Variants in MYO3A observed in about 807,000 individuals in gnomAD.
The protein encoded by MYO3A is myosin-IIIa.
In MYO3A, 180 loss-of-function variants were observed where a neutral mutation model predicts 192.7. The ratio of observed to expected loss-of-function variants is 0.93; its 90% CI spans 0.83 to 1.06. The LOEUF is 1.06. MYO3A is among the 50% of genes least tolerant of loss of function. The pLI is 0.00. For synonymous variants in MYO3A, 628 were observed against 645.3 expected, an observed-to-expected ratio of 0.97 and a Z score of 0.41; for missense variants, 1,896 against 1,905.0, an observed-to-expected ratio of 1.00 and a Z score of 0.09.
intron 17 of MYO3A, among the ~76,000 whole-genome samples, chr10:26,097,757 G>A (rs1465807528): frequency 1.3e-5 from 2 of 152,110 alleles, no homozygotes; most frequent in Non-Finnish European, 2.9e-5. Flanking sequence ...TGCTGTATAT[G>A]TACCACATTT....
At chr10:26,007,597 CAG>C (rs1841315248) in intron 6 of MYO3A, among the ~76,000 whole-genome samples, 2 of 152,160 alleles carry the variant, frequency 1.3e-5, no homozygotes, top group South Asian at 2.1e-4. Flanking sequence ...CACAGACAAA[CAG>C]AGAGCCAAAT....
chr10:26,128,730 A>T (rs1330771451), intron 20 of MYO3A, among the ~76,000 whole-genome samples, 192 bp downstream of exon 20: 1 of 152,218 alleles, frequency 6.6e-6, no homozygotes, highest in African/African-American at 2.4e-5. Flanking sequence ...AGTGTGACTG[A>T]TATGTGATGT....
At chr10:26,193,391 T>TTGTGCCTGC (rs1466669068) in intron 32 of MYO3A, 80 bp downstream of exon 32, 1 of 1,190,480 alleles carries the variant, frequency 8.4e-7, no homozygotes, top group Non-Finnish European at 1.2e-6. Flanking sequence ...CTAGATTAGT[T>TTGTGCCTGC]CAGGCACAAA....
chr10:26,023,921 A>G lies in MYO3A; in HGVS notation c.732-101A>G. The G allele has an allele frequency of 2.9e-6, 3 of 1,022,858 alleles. No homozygotes were observed. The South Asian group carries it at 3.8e-5, about 13-fold the overall frequency. 63.4% of individuals were successfully genotyped at this position (1,022,858 alleles called of 1,614,324 possible). A position where few individuals can be genotyped will look rare whatever the true frequency, so the allele number is the denominator to read the frequency against. On this transcript the variant is annotated intron_variant, in intron 8 of 34. Transcript: ENST00000642920. ...GGAAAAGATGGAATCCTTGATTACA[A>G]CTGGCAGAACCTAGGATTGCATTAG...
Position 26,211,929 on chromosome 10 carries a change from CCTCCCAGCGCCGGCGCCT to C in MYO3A, c.4819_4836del (p.Ser1607_Leu1612del). 1.2e-6 allele frequency: 2 copies of C among 1,613,986 alleles called. No homozygotes were observed. Among genetic ancestry groups the C allele is most frequent in the East Asian group, 4.5e-5 (2 of 44,876 alleles). On this transcript the variant is annotated inframe_deletion, in exon 35 of 35. Coordinates refer to ENST00000642920, the MANE Select transcript of MYO3A (RefSeq NM_017433.5). ...GACTTCAGGAGGCTCCTGCGCAAAA[CCTCCCAGCGCCGGCGCCT>C]CGTCCAGCAGTCCTAACCGTTCAAC...
At chr10:26,053,852 A>G (rs908238094) in intron 10 of MYO3A, among the ~76,000 whole-genome samples, 4 of 151,730 alleles carry the variant, frequency 2.6e-5, no homozygotes, top group African/African-American at 9.7e-5. Context: ...TGAAAGAAAA[A>G]TAGAACAATA....
chr10:26,012,249 TAAGC>T (rs1841709260), intron 6 of MYO3A, among the ~76,000 whole-genome samples: 1 of 152,100 alleles, frequency 6.6e-6, no homozygotes, highest in Non-Finnish European at 1.5e-5. Context: ...ACAGAGCAAT[TAAGC>T]AAGAGAAGAA....
Position 26,009,489 on chromosome 10 carries a change from A to C in MYO3A, c.509-7331A>C, listed in dbSNP as rs1406201876. 2.0e-5 allele frequency among the ~76,000 whole-genome samples: 3 copies of C among 152,228 alleles called. No homozygotes were observed. In the East Asian group the frequency reaches 5.8e-4, roughly 29 times the overall value. ...AACTGGGACAGGTAAGTGAAAGGCA[A>C]GAGCTGAGACTGCTTGCTGCCTCCT... On this transcript the variant is annotated intron_variant, in intron 6 of 34. Transcript: ENST00000642920.
chr10:25,983,312 G>C (rs1420327329), intron 4 of MYO3A, among the ~76,000 whole-genome samples: 2 of 151,546 alleles, frequency 1.3e-5, no homozygotes, highest in Non-Finnish European at 2.9e-5. Flanking sequence ...CTGGAGTGCA[G>C]TGGTGCGATC....
intron 14 of MYO3A, among the ~76,000 whole-genome samples, chr10:26,075,673 A>G (rs887564704): frequency 6.9e-6 from 1 of 145,604 alleles, no homozygotes; most frequent in African/African-American, 2.5e-5. Flanking sequence ...TATATGATAT[A>G]TATATGTCTC....
chr10:25,957,083 A>T (rs533556392), intron 4 of MYO3A, among the ~76,000 whole-genome samples: 1 of 152,262 alleles, frequency 6.6e-6, no homozygotes, highest in East Asian at 1.9e-4. Context: ...ATGGCTGCAT[A>T]GTATTTCACA....
chr10:26,087,350 T>C lies in MYO3A; in HGVS notation c.1360-853T>C, dbSNP rs185490678. ...CCTCCAACCCACTCAAATTCTAATG[T>C]AGTCTATGTTCCAGAAATAGCCACC... On this transcript the variant is annotated intron_variant, in intron 14 of 34. Coordinates refer to ENST00000642920, the MANE Select transcript of MYO3A (RefSeq NM_017433.5). Among the ~76,000 whole-genome samples, 781 of 152,270 alleles carry C rather than the reference T, an allele frequency of 5.1e-3. 2 individuals carry two copies. Among genetic ancestry groups the C allele is most frequent in the Non-Finnish European group, 7.9e-3 (536 of 68,012 alleles).
chr10:26,016,695 C>T, intron 6 of MYO3A, 125 bp from the exon 7 acceptor site: 5 of 866,618 alleles, frequency 5.8e-6, no homozygotes, highest in Non-Finnish European at 7.5e-6. Context: ...TAATGTGACA[C>T]TAGGTCCACT....
At chr10:26,016,143 T>G (rs901059537) in intron 6 of MYO3A, among the ~76,000 whole-genome samples, 1 of 152,186 alleles carries the variant, frequency 6.6e-6, no homozygotes, top group Non-Finnish European at 1.5e-5. Context: ...AGGTCAGTTA[T>G]GAGTGTATCT....
At chr10:26,017,111 G>A (rs1336703098) in intron 7 of MYO3A, among the ~76,000 whole-genome samples, 1 of 152,150 alleles carries the variant, frequency 6.6e-6, no homozygotes, top group Non-Finnish European at 1.5e-5. Context: ...AAGAGGGAAT[G>A]AGTAAACCAG....
chr10:26,051,666 G>A (rs1244986277), intron 10 of MYO3A, among the ~76,000 whole-genome samples: 2 of 150,802 alleles, frequency 1.3e-5, no homozygotes, highest in Admixed American at 1.3e-4. Context: ...GATTGATAGC[G>A]GCTTGCCATC....
chr10:26,174,967 T>C (rs149103697), intron 30 of MYO3A, among the ~76,000 whole-genome samples: 118 of 152,322 alleles, frequency 7.7e-4, no homozygotes, highest in African/African-American at 2.7e-3. Flanking sequence ...TAATTAGGTA[T>C]CAGATTTTGA....
chr10:26,055,015 C>T (rs1844230748), intron 10 of MYO3A, among the ~76,000 whole-genome samples: 1 of 152,220 alleles, frequency 6.6e-6, no homozygotes, highest in South Asian at 2.1e-4. Flanking sequence ...CCCTGGAAAG[C>T]TGACCCTGGT....
intron 7 of MYO3A, among the ~76,000 whole-genome samples, chr10:26,019,507 G>A (rs575270886): frequency 1.3e-5 from 2 of 152,120 alleles, no homozygotes; most frequent in Non-Finnish European, 2.9e-5. Context: ...TAGTAGAGAT[G>A]GAGTTTCACC....
Sources: allele counts gnomAD v4.1 joint callset (sites outside exome capture counted in the v4.1 genomes callset), GRCh38; gene constraint gnomAD v4.1.1; transcripts MANE v1.5; gene names NCBI Gene and HGNC (gene_info 2026-07-23, HGNC 2026-07-21).